The following TSHR variants were observed in gnomAD, a reference collection of about 807,000 sequenced individuals.
TSHR encodes thyrotropin receptor.
A neutral mutation model predicts 64.1 loss-of-function variants in TSHR; 51 were observed. The observed-to-expected ratio is 0.80, with a 90% CI of 0.64 to 1.01. TSHR has a LOEUF of 1.01. TSHR is among the 50% of genes least tolerant of loss of function. The pLI, the probability that TSHR is intolerant of heterozygous loss-of-function variation, is 0.00. For synonymous variants in TSHR, 361 were observed against 361.9 expected (o/e 1.00, Z 0.03); for missense variants, 877 against 942.8 (o/e 0.93, Z 0.91).
chr14:81,012,309 A>G (rs1297125467), intron 1 of TSHR: 6 of 150,972 alleles, frequency 4.0e-5, no homozygotes, highest in Non-Finnish European at 7.4e-5. Flanking sequence ...CATGGTGTAT[A>G]TGTGCCACAT....
chr14:81,025,449 T>C (rs1400161284), intron 1 of TSHR, among the ~76,000 whole-genome samples: 1 of 149,826 alleles, frequency 6.7e-6, no homozygotes, highest in Non-Finnish European at 1.5e-5. Context: ...TATAAATATG[T>C]AGTTATTTTT....
chr14:81,038,688 A>G (rs1417310941), intron 1 of TSHR, among the ~76,000 whole-genome samples: 1 of 150,272 alleles, frequency 6.7e-6, no homozygotes, highest in Non-Finnish European at 1.5e-5. Flanking sequence ...GAATCATAAG[A>G]GACAATTATG....
chr14:81,037,934 C>CAAAAA (rs561276007), intron 1 of TSHR, among the ~76,000 whole-genome samples: 11,493 of 142,292 alleles, frequency 0.081, 644 homozygotes, highest in African/African-American at 0.16. Flanking sequence ...TGAAAATCAG[C>CAAAAA]AAAAAAAAAA....
rs896557174 is a variant in TSHR, at chr14:81,095,852, C to A, written c.546-787C>A. ...TCACTTGAGCCCAGACTAGCCTGGG[C>A]AACATGGTGAAACCTCATCTCTACA... On this transcript the variant is annotated intron_variant, in intron 6 of 9. Transcript: ENST00000298171. 4.6e-5 allele frequency among the ~76,000 whole-genome samples: 7 copies of A among 152,042 alleles called. No individual in the cohort carries two copies. In the South Asian group the frequency reaches 1.0e-3, roughly 22 times the overall value.
chr14:80,978,013 C>G (rs1022961009), intron 1 of TSHR, among the ~76,000 whole-genome samples: 2 of 151,902 alleles, frequency 1.3e-5, no homozygotes, highest in African/African-American at 4.8e-5. Context: ...TCAAACTTAA[C>G]AAAAATCCAG....
At chr14:81,129,345 G>A (rs1891143488) in intron 8 of TSHR, among the ~76,000 whole-genome samples, 1 of 152,122 alleles carries the variant, frequency 6.6e-6, no homozygotes, top group African/African-American at 2.4e-5. Context: ...CAGCTTAAAT[G>A]CCATGTTCTG....
chr14:81,003,797 A>C (rs530180438), intron 1 of TSHR, among the ~76,000 whole-genome samples: 1 of 151,918 alleles, frequency 6.6e-6, no homozygotes, highest in Non-Finnish European at 1.5e-5. Flanking sequence ...TTTCATTTTT[A>C]ATCTCAGCTT....
chr14:81,105,956 G>GT lies in TSHR; in HGVS notation c.615-2408dup, dbSNP rs113490725. ...GCTGTTCAATATCTTCTCTGCAGTT[G>GT]TTTTTTTTTTTCAAGGTGGATTTTG... On this transcript the variant is annotated intron_variant, in intron 7 of 9. Transcript: ENST00000298171. Among the ~76,000 whole-genome samples, 906 of 149,234 alleles carry GT rather than the reference G, an allele frequency of 6.1e-3. 9 individuals are homozygous for GT. Among genetic ancestry groups the GT allele is most frequent in the African/African-American group, 0.02 (792 of 40,248 alleles).
intron 1 of TSHR, among the ~76,000 whole-genome samples, chr14:81,030,970 A>G (rs1263718620): frequency 1.3e-5 from 2 of 151,614 alleles, no homozygotes; most frequent in Non-Finnish European, 2.9e-5. Flanking sequence ...ATATAAAATC[A>G]CAACAAGATA....
intron 6 of TSHR, chr14:81,095,623 G>T (rs1595103056): frequency 1.3e-5 from 2 of 152,022 alleles, no homozygotes; most frequent in South Asian, 4.2e-4. Flanking sequence ...AACAGTCCTA[G>T]ACCAATGTGT....
chr14:81,033,100 G>T, intron 1 of TSHR: 1 of 355,652 alleles, frequency 2.8e-6, no homozygotes, highest in Non-Finnish European at 5.5e-6. Flanking sequence ...CATTACTCAA[G>T]CTGGAAATGC....
At position 81,144,343 on chromosome 14, in the gene TSHR, C is replaced by A; in HGVS notation, c.2285C>A (p.Thr762Lys). ...CAAATCTCAGAAGAGTATATGCAAA[C>A]GGTTTTGTAAGTTAACACTACACTA... ...QGQISEEYMQ[T>K]VL is the part of the protein sequence containing the mutation. Residue 762 changes from threonine (T) to lysine (K), a missense_variant, in exon 10 of 10, where the codon ACG becomes AAG. Coordinates refer to ENST00000298171, the MANE Select transcript of TSHR (RefSeq NM_000369.5). 1 of 1,614,108 alleles carries A rather than the reference C, an allele frequency of 6.2e-7. No individual in the cohort carries two copies. Among genetic ancestry groups the A allele is most frequent in the Non-Finnish European group, 8.5e-7 (1 of 1,180,022 alleles).
At chr14:80,970,268 T>C (rs1189777370) in intron 1 of TSHR, among the ~76,000 whole-genome samples, 2 of 152,234 alleles carry the variant, frequency 1.3e-5, no homozygotes, top group Non-Finnish European at 2.9e-5. Context: ...CTAGACTTTC[T>C]TGATCCAGAA....
intron 1 of TSHR, among the ~76,000 whole-genome samples, chr14:80,963,531 C>T (rs1887146441): frequency 6.6e-6 from 1 of 152,174 alleles, no homozygotes; most frequent in South Asian, 2.1e-4. Flanking sequence ...ACACAGGAGG[C>T]TTCAGTAATA....
At chr14:81,140,763 T>C (rs760360777) in intron 9 of TSHR, among the ~76,000 whole-genome samples, 7 of 152,188 alleles carry the variant, frequency 4.6e-5, no homozygotes, top group Admixed American at 3.9e-4. Flanking sequence ...ACACACATAA[T>C]TGCAGTCAGG....
intron 9 of TSHR, among the ~76,000 whole-genome samples, chr14:81,141,324 G>C (rs1442854104): frequency 6.6e-6 from 1 of 152,190 alleles, no homozygotes; most frequent in Non-Finnish European, 1.5e-5. Flanking sequence ...TTTTTCCCTA[G>C]CCTCCAGTTG....
chr14:81,042,937 A>G (rs1020009844), intron 1 of TSHR, among the ~76,000 whole-genome samples: 1 of 152,116 alleles, frequency 6.6e-6, no homozygotes, highest in Admixed American at 6.6e-5. Context: ...TCAGTAAAAA[A>G]CAAAACAAAC....
rs139892516 is a variant in TSHR, at chr14:81,143,649, C to G, written c.1591C>G (p.Arg531Gly). 1.2e-6 allele frequency: 2 copies of G among 1,614,162 alleles called. No individual in the cohort carries two copies. The highest frequency in any genetic ancestry group is 1.7e-5 in the Admixed American group (1 of 60,020). ...CATCACCTTCGCCATGCGCCTGGAC[C>G]GGAAGATCCGCCTCAGGCACGCATG... The part of the protein sequence containing the change: ...YAITFAMRLD[R>G]KIRLRHACAI... The change falls in exon 10 of 10, where the codon CGG becomes GGG. Residue 531 changes from arginine to glycine, a missense_variant. Coordinates refer to ENST00000298171, the MANE Select transcript of TSHR (RefSeq NM_000369.5).
intron 1 of TSHR, among the ~76,000 whole-genome samples, chr14:80,977,083 G>A (rs1887920717): frequency 6.6e-6 from 1 of 152,202 alleles, no homozygotes; most frequent in African/African-American, 2.4e-5. Context: ...TAAAACCAGA[G>A]GATCCCATGG....
Sources: gnomAD v4.1 joint callset for allele counts (sites outside exome capture counted in the v4.1 genomes callset) on GRCh38, gnomAD v4.1.1 for gene constraint, MANE v1.5 for transcripts, NCBI Gene and HGNC (gene_info 2026-07-23, HGNC 2026-07-21) for gene names.